Variants in LSS observed in about 807,000 individuals in gnomAD.
The protein encoded by LSS is lanosterol synthase, also known as 2,3-epoxysqualene-lanosterol cyclase.
LSS carries 90 observed loss-of-function variants against 110.3 expected under a neutral mutation model. That is an observed-to-expected ratio of 0.82 (90% confidence interval 0.69 to 0.97). The LOEUF (loss-of-function observed/expected upper bound fraction) is 0.97, where lower values mean the gene tolerates loss of function less well. Ranked by LOEUF, LSS falls within the 50% of genes least tolerant of loss-of-function variation. LSS has a pLI of 0.00. For missense variants in LSS, 927 were observed against 990.0 expected (o/e 0.94, Z 0.85); for synonymous variants, 433 against 400.0 (o/e 1.08, Z -0.98).
chr21:46,197,238 CAAG>C (rs1413191676), intron 17 of LSS, among the ~76,000 whole-genome samples: 2 of 152,098 alleles, frequency 1.3e-5, no homozygotes, highest in Non-Finnish European at 2.9e-5. Flanking sequence ...TGAGAAATGA[CAAG>C]AAAGTTTTAT....
chr21:46,195,310 T>C (rs914250287), intron 19 of LSS, among the ~76,000 whole-genome samples: 11 of 152,302 alleles, frequency 7.2e-5, no homozygotes, highest in East Asian at 1.9e-4. Context: ...GCCAGGCACA[T>C]TGGCTCATGC....
chr21:46,219,637 G>C, intron 5 of LSS, 65 bp from the exon 6 acceptor site: 1 of 1,029,166 alleles, frequency 9.7e-7, no homozygotes, highest in Non-Finnish European at 1.4e-6. Context: ...ACTGCCTCTA[G>C]CTGGGAAGCT....
rs528804124 is a variant in LSS, at chr21:46,190,879, C to A, written c.*225G>T. The A allele has an allele frequency of 1.6e-5, 9 of 550,548 alleles. No individual in the cohort carries two copies. In the East Asian group the frequency reaches 2.3e-4, roughly 14 times the overall value. The allele number at this position is 550,548 out of a possible 1,614,324, so 34.1% of individuals were successfully genotyped here. On this transcript the variant is annotated 3_prime_UTR_variant, in exon 22 of 22. Transcript: ENST00000397728. The surrounding 1 kb of genome is among the most constrained non-coding windows in gnomAD (Gnocchi z 4.6). Reference sequence around the variant, plus strand: ...TCCTGTGCCCCCTTCCTCACCCAAGCCCGACAAGCTACTTTCAGAAATGAA... The same window carrying A: ...TCCTGTGCCCCCTTCCTCACCCAAGACCGACAAGCTACTTTCAGAAATGAA...
chr21:46,206,546 C>G (rs2080050671), intron 16 of LSS, 126 bp downstream of exon 16: 1 of 777,766 alleles, frequency 1.3e-6, no homozygotes, highest in Non-Finnish European at 2.2e-6. Flanking sequence ...GGGCTCCAGA[C>G]AGATCTGCCG....
chr21:46,189,971 G>A lies in LSS; in HGVS notation c.*1133C>T. The A allele has an allele frequency of 6.3e-6, 2 of 316,694 alleles. No individual in the cohort carries two copies. The highest frequency in any genetic ancestry group is 4.7e-5 in the South Asian group (2 of 42,890). 19.6% of individuals were successfully genotyped at this position (316,694 alleles called of 1,614,324 possible). ...CAAGCCAGACCAGACTGGGTCAGAG[G>A]CTAGAAGGGAGCTCACAGGATTGCC... On this transcript the variant is annotated 3_prime_UTR_variant, in exon 22 of 22. Transcript: ENST00000397728.
At chr21:46,210,227 G>A (rs565777351) in intron 12 of LSS, among the ~76,000 whole-genome samples, 1 of 152,038 alleles carries the variant, frequency 6.6e-6, no homozygotes, top group East Asian at 1.9e-4. Flanking sequence ...CACCACGCTT[G>A]GCTAATTTTT....
intron 21 of LSS, 103 bp downstream of exon 21, chr21:46,191,778 C>T: frequency 2.0e-6 from 2 of 1,003,784 alleles, no homozygotes; most frequent in Admixed American, 2.0e-5. Context: ...TCCCAAGTGT[C>T]CAAAGTACCC....
intron 16 of LSS, 25 bp downstream of exon 16, chr21:46,206,647 G>C: frequency 1.3e-6 from 2 of 1,593,154 alleles, no homozygotes; most frequent in South Asian, 2.2e-5. Context: ...GGGTTTGCGC[G>C]CCGCAGTGCT....
chr21:46,223,881 GA>G (rs1555902992), intron 3 of LSS, among the ~76,000 whole-genome samples: 1 of 152,220 alleles, frequency 6.6e-6, no homozygotes, highest in Admixed American at 6.5e-5. Context: ...TAGCGGTAGC[GA>G]AAAGTGTCAA....
chr21:46,227,238 T>C (rs2080351193), intron 3 of LSS: 1 of 296,798 alleles, frequency 3.4e-6, no homozygotes, highest in Admixed American at 4.7e-5. Flanking sequence ...AGGCTGGGCC[T>C]TCCACCTGGA....
In LSS at chr21:46,209,536, C is replaced by T. The variant is rs778230104; in HGVS notation, c.1266+18G>A. 3.1e-6 allele frequency: 5 copies of T among 1,594,720 alleles called. No homozygotes were observed. Among genetic ancestry groups the T allele is most frequent in the East Asian group, 2.3e-5 (1 of 44,210 alleles). ...TCCCCCTCTTCAGCCCCCTCAGAGC[C>T]CCAGGCACCGGCCTCACCTGTGAGA... On this transcript the variant is annotated intron_variant, in intron 13 of 21. Transcript: ENST00000397728. The surrounding 1 kb of genome is among the most constrained non-coding windows in gnomAD (Gnocchi z 4.4).
At chr21:46,194,741 T>C (rs1314350145) in intron 19 of LSS, 80 bp from the exon 20 acceptor site, 2 of 1,455,976 alleles carry the variant, frequency 1.4e-6, no homozygotes, top group African/African-American at 1.4e-5. Context: ...GCAGGCTGCC[T>C]TGGGGTACGG....
intron 9 of LSS, among the ~76,000 whole-genome samples, 164 bp from the exon 10 acceptor site, chr21:46,213,999 G>C (rs1024440548): frequency 8.5e-5 from 13 of 152,276 alleles, no homozygotes; most frequent in African/African-American, 3.1e-4. Context: ...TCCTGAGCGA[G>C]GATGGGCAAC....
intron 10 of LSS, 22 bp from the exon 11 acceptor site, chr21:46,213,074 A>C: frequency 1.2e-6 from 2 of 1,612,854 alleles, no homozygotes; most frequent in Middle Eastern, 3.7e-4. Flanking sequence ...AAAAAGCCCA[A>C]GTCAGGTGCA....
rs530691412 is a variant in LSS at position 46,189,274 on chromosome 21, C to G, written c.*1830G>C. 174 of 228,644 alleles carry G rather than the reference C, an allele frequency of 7.6e-4. No homozygotes were observed. The highest frequency in any genetic ancestry group is 2.4e-3 in the Admixed American group (45 of 19,146). The allele number at this position is 228,644 out of a possible 1,614,324, so 14.2% of individuals were successfully genotyped here. A position where few individuals can be genotyped will look rare whatever the true frequency, so the allele number is the denominator to read the frequency against. On this transcript the variant is annotated 3_prime_UTR_variant, in exon 22 of 22. Coordinates refer to ENST00000397728, the MANE Select transcript of LSS (RefSeq NM_002340.6). The stretch of plus-strand genomic sequence containing the variant: ...CCATGGCTAGGAGTCCCAGGGACAG[C>G]AGCCTCTGCTCAGGGCAGACTCTGT...
intron 6 of LSS, among the ~76,000 whole-genome samples, chr21:46,218,727 CTTTT>C (rs550015362): frequency 7.3e-6 from 1 of 137,060 alleles, no homozygotes; most frequent in African/African-American, 2.7e-5. Context: ...AAACACTGAT[CTTTT>C]TTTTTTTTTT....
At chr21:46,227,481 C>T (rs1174089329) in intron 3 of LSS, 71 bp downstream of exon 3, 3 of 1,570,756 alleles carry the variant, frequency 1.9e-6, no homozygotes, top group East Asian at 2.3e-5. Context: ...AAACCCTAGA[C>T]CAGGCTGGGC....
At chr21:46,196,180 T>C in intron 18 of LSS, 22 bp downstream of exon 18, 1 of 1,612,716 alleles carries the variant, frequency 6.2e-7, no homozygotes, top group Non-Finnish European at 8.5e-7. Flanking sequence ...ATCTCTGCAC[T>C]CACGAGTGGA....
intron 4 of LSS, 75 bp from the exon 5 acceptor site, chr21:46,222,050 A>C: frequency 6.4e-7 from 1 of 1,563,318 alleles, no homozygotes; most frequent in Non-Finnish European, 8.8e-7. Flanking sequence ...CTTTCTGTGG[A>C]GTTTCCTCAG....
Sources: gnomAD v4.1 joint callset for allele counts (sites outside exome capture counted in the v4.1 genomes callset) on GRCh38, gnomAD v4.1.1 for gene constraint, Gnocchi (gnomAD v3.1) non-coding constraint, MANE v1.5 for transcripts, NCBI Gene and HGNC (gene_info 2026-07-23, HGNC 2026-07-21) for gene names.